SOX5: variants seen among roughly 807,000 people sequenced by gnomAD.
The protein encoded by SOX5 is SRY-box transcription factor 5, also known as transcription factor SOX-5.
SOX5 carries 9 observed loss-of-function variants against 92.0 expected under a neutral mutation model. The ratio of observed to expected loss-of-function variants is 0.10; its 90% CI spans 0.06 to 0.17. The LOEUF is 0.17. Among genes scored for constraint, SOX5 ranks in the 10% least tolerant of loss-of-function variants. The probability of loss-of-function intolerance (pLI) is 1.00; values close to 1 mark genes in which losing one functional copy is unlikely to be tolerated. For missense variants in SOX5, 642 were observed against 944.5 expected (o/e 0.68, Z 4.20); for synonymous variants, 344 against 336.3 (o/e 1.02, Z -0.25).
At chr12:23,828,206 G>C (rs549093615) in intron 3 of SOX5, among the ~76,000 whole-genome samples, 2 of 152,260 alleles carry the variant, frequency 1.3e-5, no homozygotes, top group African/African-American at 4.8e-5. Flanking sequence ...AGGGGCGATA[G>C]GCTACACCAT....
intron 4 of SOX5, among the ~76,000 whole-genome samples, chr12:24,145,249 A>T (rs1324645312): frequency 2.6e-5 from 4 of 151,678 alleles, no homozygotes; most frequent in African/African-American, 9.8e-5. Context: ...TAAAAAAATT[A>T]AATTAATTTT....
At chr12:24,145,754 C>T (rs967446974) in intron 4 of SOX5, among the ~76,000 whole-genome samples, 1 of 152,164 alleles carries the variant, frequency 6.6e-6, no homozygotes, top group Non-Finnish European at 1.5e-5. Context: ...CAATCTGCCT[C>T]CCTCAGCCTC....
chr12:24,218,495 G>C (rs1389338242), intron 3 of SOX5, among the ~76,000 whole-genome samples: 1 of 152,164 alleles, frequency 6.6e-6, no homozygotes, highest in Non-Finnish European at 1.5e-5. Flanking sequence ...AGGAGTAATG[G>C]AGAGTGAAAA....
At chr12:23,727,111 A>C (rs2093175224) in intron 6 of SOX5, among the ~76,000 whole-genome samples, 1 of 152,168 alleles carries the variant, frequency 6.6e-6, no homozygotes, top group South Asian at 2.1e-4. Flanking sequence ...CCTTCCATTA[A>C]ATGCATTTTT....
chr12:23,903,042 A>G (rs1027212189), intron 1 of SOX5, among the ~76,000 whole-genome samples: 5 of 152,180 alleles, frequency 3.3e-5, no homozygotes, highest in Non-Finnish European at 7.4e-5. Context: ...TTCTGATGGA[A>G]ACAGGAAATA....
chr12:23,733,737 G>A (rs1048361506), intron 6 of SOX5, among the ~76,000 whole-genome samples: 3 of 152,122 alleles, frequency 2.0e-5, no homozygotes, highest in South Asian at 2.1e-4. Flanking sequence ...TGTCATTTAT[G>A]ATATTTACAC....
At chr12:24,158,426 T>A (rs184717158) in intron 4 of SOX5, among the ~76,000 whole-genome samples, 2 of 151,950 alleles carry the variant, frequency 1.3e-5, no homozygotes, top group African/African-American at 2.4e-5. Context: ...TTACCCAGAA[T>A]GAATACATAT....
intron 2 of SOX5, among the ~76,000 whole-genome samples, chr12:24,294,636 C>T (rs1858035): frequency 0.11 from 17,044 of 152,238 alleles, 1,296 homozygotes; most frequent in Admixed American, 0.23. Flanking sequence ...CAGTTCTACA[C>T]TGTTGACACT....
chr12:24,216,884 CA>C (rs1959194180), intron 3 of SOX5, among the ~76,000 whole-genome samples: 2 of 152,300 alleles, frequency 1.3e-5, no homozygotes, highest in African/African-American at 4.8e-5. Context: ...GCCGAGATCA[CA>C]CCACTGCACT....
chr12:23,823,019 G>T (rs11834194), intron 3 of SOX5, among the ~76,000 whole-genome samples: 21,208 of 152,030 alleles, frequency 0.14, 1,498 homozygotes, highest in South Asian at 0.17. Flanking sequence ...CTTTGCACAT[G>T]AGGTGGGTCT....
chr12:23,875,812 A>G (rs1221914836), intron 2 of SOX5, among the ~76,000 whole-genome samples: 2 of 152,222 alleles, frequency 1.3e-5, no homozygotes, highest in East Asian at 1.9e-4. Context: ...GAATTTTCAT[A>G]GAAGATTTCC....
chr12:23,593,255 T>C (rs954434027), intron 9 of SOX5, among the ~76,000 whole-genome samples: 1 of 152,156 alleles, frequency 6.6e-6, no homozygotes, highest in Non-Finnish European at 1.5e-5. Context: ...ATTCAGGTAA[T>C]GTAAATTATA....
At chr12:23,617,244 A>T (rs1295068393) in intron 8 of SOX5, among the ~76,000 whole-genome samples, 1 of 151,974 alleles carries the variant, frequency 6.6e-6, no homozygotes, top group Non-Finnish European at 1.5e-5. Flanking sequence ...AGCCACTGGG[A>T]AGCATGCTTG....
chr12:23,659,929 T>C (rs1282366941), intron 7 of SOX5, among the ~76,000 whole-genome samples: 1 of 152,054 alleles, frequency 6.6e-6, no homozygotes, highest in Non-Finnish European at 1.5e-5. Context: ...ATCATGCCAC[T>C]GCACTGGGTG....
intron 4 of SOX5, among the ~76,000 whole-genome samples, chr12:24,019,825 T>G (rs1044789348): frequency 3.3e-4 from 50 of 152,204 alleles, no homozygotes; most frequent in African/African-American, 9.9e-4. Flanking sequence ...CTTAACATCA[T>G]TTGATCTAGA....
chr12:23,594,704 G>GA (rs1175966792), intron 9 of SOX5, among the ~76,000 whole-genome samples: 1 of 152,060 alleles, frequency 6.6e-6, no homozygotes, highest in Non-Finnish European at 1.5e-5. Context: ...TCCTGAACAT[G>GA]AAAAAATCCT....
chr12:23,735,387 G>C (rs181113743), intron 5 of SOX5, among the ~76,000 whole-genome samples: 1 of 152,114 alleles, frequency 6.6e-6, no homozygotes, highest in Admixed American at 6.5e-5. Context: ...CCTCTCATCA[G>C]AATTCAACAC....
At chr12:24,213,603 T>A (rs935076742) in intron 3 of SOX5, among the ~76,000 whole-genome samples, 2 of 9,076 alleles carry the variant, frequency 2.2e-4, no homozygotes, top group Non-Finnish European at 5.0e-4. Context: ...TTATAATAAT[T>A]TTTTTTTTTT....
At chr12:23,573,762 T>C (rs1167353292) in intron 10 of SOX5, among the ~76,000 whole-genome samples, 2 of 152,200 alleles carry the variant, frequency 1.3e-5, no homozygotes. Flanking sequence ...TTTCGTGATA[T>C]AAACTGTGCC....
Sources: gnomAD v4.1 joint callset for allele counts (sites outside exome capture counted in the v4.1 genomes callset) on GRCh38, gnomAD v4.1.1 for gene constraint, MANE v1.5 for transcripts, NCBI Gene and HGNC (gene_info 2026-07-23, HGNC 2026-07-21) for gene names.